The following RBFOX3 variants were observed in gnomAD, a reference collection of about 807,000 sequenced individuals.
RBFOX3 encodes the protein RNA binding protein fox-1 homolog 3.
A neutral mutation model predicts 48.7 loss-of-function variants in RBFOX3; 17 were observed. That is an observed-to-expected ratio of 0.35 (90% CI 0.24 to 0.52). The LOEUF is 0.52. RBFOX3 is among the 20% of genes least tolerant of loss of function. The pLI, the probability that RBFOX3 is intolerant of heterozygous loss-of-function variation, is 0.94. For synonymous variants in RBFOX3, 212 were observed against 209.5 expected (o/e 1.01, Z -0.10); for missense variants, 382 against 497.5 (o/e 0.77, Z 2.21).
intron 4 of RBFOX3, among the ~76,000 whole-genome samples, chr17:79,178,903 C>T (rs911138075): frequency 3.3e-5 from 5 of 152,218 alleles, no homozygotes; most frequent in Admixed American, 6.5e-5. Context: ...AGCCAGCAGA[C>T]CAGACCTGGG....
At chr17:79,113,401 C>G (rs960991845) in intron 5 of RBFOX3, among the ~76,000 whole-genome samples, 2 of 152,098 alleles carry the variant, frequency 1.3e-5, no homozygotes, top group African/African-American at 4.8e-5. Context: ...TGCAGCCCTG[C>G]CCTGGGTGCA....
chr17:79,529,401 T>A (rs1421766378), intron 1 of RBFOX3, among the ~76,000 whole-genome samples: 1 of 152,202 alleles, frequency 6.6e-6, no homozygotes, highest in Non-Finnish European at 1.5e-5. Flanking sequence ...CTTCTAGTCC[T>A]ATGTTTTCAA....
chr17:79,397,333 T>A (rs11649826), intron 2 of RBFOX3, among the ~76,000 whole-genome samples: 8,385 of 149,676 alleles, frequency 0.056, 298 homozygotes, highest in Admixed American at 0.086. Context: ...ATAAAAAATT[T>A]AAAAAAAAAA....
rs1390893546 is a variant in RBFOX3 at position 79,423,526 on chromosome 17, C to G, written c.-175+58928G>C. Among the ~76,000 whole-genome samples, 1 of 152,094 alleles carries G rather than the reference C, an allele frequency of 6.6e-6. No individual in the cohort carries two copies. The highest frequency in any genetic ancestry group is 1.5e-5 in the Non-Finnish European group (1 of 68,020). On this transcript the variant is annotated intron_variant, in intron 2 of 14. Coordinates refer to ENST00000693108, the MANE Select transcript of RBFOX3 (RefSeq NM_001350451.2). This position sits in a 1 kb window ranked among gnomAD's most constrained non-coding sequence, Gnocchi z 4.9. ...ACATCCTGCCAGCGCTGCCGGTACC[C>G]AGCACCTGGGGTTCTCCGCTATCTC...
chr17:79,542,906 C>T (rs572964892), intron 1 of RBFOX3, among the ~76,000 whole-genome samples: 34 of 152,264 alleles, frequency 2.2e-4, no homozygotes, highest in African/African-American at 7.5e-4. Context: ...TTATCAGTCA[C>T]GTGTTTTACA....
intron 4 of RBFOX3, among the ~76,000 whole-genome samples, chr17:79,178,282 C>T (rs1010218461): frequency 3.9e-5 from 6 of 152,232 alleles, no homozygotes; most frequent in Admixed American, 1.3e-4. Flanking sequence ...ATCTCCTAAA[C>T]TTCGCTGGGT....
intron 4 of RBFOX3, among the ~76,000 whole-genome samples, chr17:79,136,844 C>T (rs1314004652): frequency 1.3e-5 from 2 of 152,292 alleles, no homozygotes; most frequent in Admixed American, 1.3e-4. Flanking sequence ...GTGACAGCCA[C>T]TTCCTAGGAG....
At chr17:79,186,414 C>T (rs1397507510) in intron 4 of RBFOX3, among the ~76,000 whole-genome samples, 1 of 152,250 alleles carries the variant, frequency 6.6e-6, no homozygotes, top group Non-Finnish European at 1.5e-5. Flanking sequence ...GCAGGCCTGA[C>T]TCTGCGGACC....
the RBFOX3 span, among the ~76,000 whole-genome samples, chr17:79,659,618 T>C: frequency 6.6e-6 from 1 of 152,290 alleles, no homozygotes; most frequent in South Asian, 2.1e-4. Flanking sequence ...CCTCCCATGC[T>C]GGACCCTCCC....
chr17:79,168,942 C>T (rs950152499), intron 4 of RBFOX3, among the ~76,000 whole-genome samples: 12 of 152,218 alleles, frequency 7.9e-5, no homozygotes, highest in Admixed American at 2.0e-4. Flanking sequence ...AGCAATGCAG[C>T]CGTGGCCCCA....
At chr17:79,270,375 T>C (rs907813148) in intron 3 of RBFOX3, among the ~76,000 whole-genome samples, 2 of 152,096 alleles carry the variant, frequency 1.3e-5, no homozygotes, top group South Asian at 4.2e-4. Flanking sequence ...CTGATCTCAG[T>C]ACCCTTCCCT....
chr17:79,154,983 C>T (rs1235339543), intron 4 of RBFOX3, among the ~76,000 whole-genome samples: 3 of 142,312 alleles, frequency 2.1e-5, no homozygotes, highest in South Asian at 2.6e-4. Context: ...AGCCCAGCCT[C>T]GGCGTCTGAG....
At chr17:79,594,205 A>G (rs911312180) in intron 1 of RBFOX3, among the ~76,000 whole-genome samples, 5 of 152,134 alleles carry the variant, frequency 3.3e-5, no homozygotes, top group African/African-American at 1.2e-4. Flanking sequence ...CTAAGGGCTG[A>G]GACGGTGCTA....
the RBFOX3 span, among the ~76,000 whole-genome samples, chr17:79,616,515 G>A: frequency 6.7e-6 from 1 of 149,988 alleles, no homozygotes; most frequent in South Asian, 2.1e-4. Context: ...CGGCTTGGGC[G>A]ACAGAGCAAG....
At chr17:79,536,281 T>G (rs1419203476) in intron 1 of RBFOX3, among the ~76,000 whole-genome samples, 1 of 152,226 alleles carries the variant, frequency 6.6e-6, no homozygotes, top group Non-Finnish European at 1.5e-5. Context: ...TTTCACCATG[T>G]GGGCCAGGCT....
chr17:79,463,480 TGCCATCGCCACTGCC>T (rs2075796826), intron 2 of RBFOX3, among the ~76,000 whole-genome samples: 1 of 19,448 alleles, frequency 5.1e-5, no homozygotes. Context: ...CCACCTCCAC[TGCCATCGCCACTGCC>T]ACTGCCATCG....
the RBFOX3 span, among the ~76,000 whole-genome samples, chr17:79,662,993 A>G: frequency 4.7e-4 from 71 of 152,328 alleles, no homozygotes; most frequent in African/African-American, 1.7e-3. Context: ...TTAAGTCATC[A>G]GCCAAATTTA....
At chr17:79,341,203 G>C (rs780188273) in intron 2 of RBFOX3, among the ~76,000 whole-genome samples, 1 of 152,208 alleles carries the variant, frequency 6.6e-6, no homozygotes, top group Non-Finnish European at 1.5e-5. Context: ...TGTGTGCAGA[G>C]AGTCATGCAC....
At chr17:79,211,737 A>T (rs1600024633) in intron 4 of RBFOX3, among the ~76,000 whole-genome samples, 1 of 152,116 alleles carries the variant, frequency 6.6e-6, no homozygotes, top group Non-Finnish European at 1.5e-5. Flanking sequence ...CTCCAATCCT[A>T]ATATGACTTC....
Sources: allele counts gnomAD v4.1 joint callset (sites outside exome capture counted in the v4.1 genomes callset), GRCh38; gene constraint gnomAD v4.1.1; non-coding constraint Gnocchi (gnomAD v3.1); transcripts MANE v1.5; gene names NCBI Gene and HGNC (gene_info 2026-07-23, HGNC 2026-07-21).